Variants in MYT1L observed in about 807,000 individuals in gnomAD.
The protein encoded by MYT1L is myelin transcription factor 1 like, also known as myelin transcription factor 1-like protein.
Under a neutral mutation model 126.7 loss-of-function variants are expected in MYT1L, and 12 were observed. That is an observed-to-expected ratio of 0.09 (90% CI 0.06 to 0.15). The LOEUF (loss-of-function observed/expected upper bound fraction) is 0.15, where lower values mean the gene tolerates loss of function less well. Ranked by LOEUF, MYT1L falls within the 10% of genes least tolerant of loss-of-function variation. The probability of loss-of-function intolerance (pLI) is 1.00; values close to 1 mark genes in which losing one functional copy is unlikely to be tolerated. For synonymous variants in MYT1L, 541 were observed against 604.2 expected (o/e 0.90, Z 1.53); for missense variants, 979 against 1,585.2 (o/e 0.62, Z 6.49).
At position 2,128,054 on chromosome 2, in the gene MYT1L, A is replaced by T. The variant is rs188592019; in HGVS notation, c.-304+44818T>A. 2.4e-4 allele frequency among the ~76,000 whole-genome samples: 36 copies of T among 152,366 alleles called. No individual in the cohort carries two copies. The East Asian group carries it at 6.5e-3, about 28-fold the overall frequency. On this transcript the variant is annotated intron_variant, in intron 3 of 24. Coordinates refer to ENST00000647738, the MANE Select transcript of MYT1L (RefSeq NM_001303052.2). ...GGAAAGTATCATAACAATGCTAATT[A>T]TGAAAAACAACAACTGTCCTTTCCT...
intron 8 of MYT1L, among the ~76,000 whole-genome samples, chr2:1,953,999 T>C (rs1311660369): frequency 6.6e-6 from 1 of 152,200 alleles, no homozygotes; most frequent in Non-Finnish European, 1.5e-5. Flanking sequence ...CGGGGCTCCC[T>C]GGAGTGTCCA....
At chr2:2,225,313 C>T (rs1572625198) in intron 2 of MYT1L, among the ~76,000 whole-genome samples, 1 of 152,198 alleles carries the variant, frequency 6.6e-6, no homozygotes, top group East Asian at 1.9e-4. Context: ...TGGCCTCCCG[C>T]TGTCCCCTTC....
intron 1 of MYT1L, among the ~76,000 whole-genome samples, chr2:2,298,472 T>A (rs1303825589): frequency 1.3e-5 from 2 of 152,232 alleles, no homozygotes; most frequent in Non-Finnish European, 2.9e-5. Flanking sequence ...ATCTACCAGA[T>A]GCCATGAAGA....
At chr2:2,010,320 T>G (rs926308118) in intron 4 of MYT1L, among the ~76,000 whole-genome samples, 1 of 152,132 alleles carries the variant, frequency 6.6e-6, no homozygotes, top group Non-Finnish European at 1.5e-5. Flanking sequence ...GGAAGCCAAA[T>G]GTTTTCCCCC....
At chr2:2,194,188 T>C (rs2092706855) in intron 2 of MYT1L, among the ~76,000 whole-genome samples, 2 of 152,136 alleles carry the variant, frequency 1.3e-5, no homozygotes, top group South Asian at 4.2e-4. Context: ...CAAGTGATCT[T>C]CCCACCTTAG....
intron 19 of MYT1L, among the ~76,000 whole-genome samples, chr2:1,849,255 G>A (rs975612621): frequency 7.2e-5 from 11 of 152,120 alleles, no homozygotes; most frequent in Non-Finnish European, 1.3e-4. Context: ...GGAAGCTCTG[G>A]CCACGTGAGA....
At chr2:1,868,338 A>G (rs74754899) in intron 18 of MYT1L, among the ~76,000 whole-genome samples, 8,718 of 152,332 alleles carry the variant, frequency 0.057, 314 homozygotes, top group Non-Finnish European at 0.072. Context: ...CTGCACTTGC[A>G]TAATATCAAA....
intron 23 of MYT1L, among the ~76,000 whole-genome samples, chr2:1,794,698 A>G (rs2033055122): frequency 6.6e-6 from 1 of 152,146 alleles, no homozygotes; most frequent in African/African-American, 2.4e-5. Flanking sequence ...TATGTTCAGG[A>G]ATCTCTGTGA....
At chr2:2,161,484 T>C (rs1272289601) in intron 3 of MYT1L, among the ~76,000 whole-genome samples, 1 of 152,262 alleles carries the variant, frequency 6.6e-6, no homozygotes, top group East Asian at 1.9e-4. Context: ...GAGGCCACTC[T>C]GGGAGCCTGA....
intron 18 of MYT1L, among the ~76,000 whole-genome samples, chr2:1,855,932 C>T (rs2043859367): frequency 6.6e-6 from 1 of 151,956 alleles, no homozygotes; most frequent in African/African-American, 2.4e-5. Context: ...GAGAAAATAA[C>T]TTTTGGTTGT....
At chr2:2,235,653 T>C (rs1444479792) in intron 2 of MYT1L, among the ~76,000 whole-genome samples, 3 of 152,164 alleles carry the variant, frequency 2.0e-5, no homozygotes, top group African/African-American at 7.2e-5. Context: ...CATATTCCAT[T>C]TGGCAAGAGT....
chr2:2,002,451 G>C (rs1166379822), intron 4 of MYT1L, among the ~76,000 whole-genome samples: 2 of 152,168 alleles, frequency 1.3e-5, no homozygotes, highest in Non-Finnish European at 2.9e-5. Flanking sequence ...TATGCCACAT[G>C]CTTCAGTTGG....
chr2:2,158,975 G>A lies in MYT1L; in HGVS notation c.-304+13897C>T, dbSNP rs190794085. 2.9e-3 allele frequency among the ~76,000 whole-genome samples: 442 copies of A among 152,246 alleles called. 5 individuals carry two copies. Among genetic ancestry groups the A allele is most frequent in the South Asian group, 0.02 (97 of 4,820 alleles). On this transcript the variant is annotated intron_variant, in intron 3 of 24. Coordinates refer to ENST00000647738, the MANE Select transcript of MYT1L (RefSeq NM_001303052.2). ...TTGTTGTGTACCTTGTCTCAGGATC[G>A]GTGTTACAGCACATATGCAGCACTT... is the stretch of plus-strand genomic sequence containing the variant.
chr2:2,311,201 TC>T (rs1179383075), intron 1 of MYT1L, among the ~76,000 whole-genome samples: 1 of 151,968 alleles, frequency 6.6e-6, no homozygotes, highest in Non-Finnish European at 1.5e-5. Context: ...CACATAAGAG[TC>T]AGAAAAGGAG....
intron 3 of MYT1L, among the ~76,000 whole-genome samples, chr2:2,163,509 A>G (rs1486848218): frequency 1.3e-5 from 2 of 151,746 alleles, no homozygotes; most frequent in Non-Finnish European, 1.5e-5. Context: ...GTGGATCATG[A>G]GGTCAGGAGA....
At chr2:1,941,245 C>A (rs748606628) in intron 9 of MYT1L, among the ~76,000 whole-genome samples, 1 of 152,092 alleles carries the variant, frequency 6.6e-6, no homozygotes, top group Non-Finnish European at 1.5e-5. Context: ...CTGGTGTAAA[C>A]GATACCTATT....
intron 3 of MYT1L, among the ~76,000 whole-genome samples, chr2:2,159,593 G>A (rs578126247): frequency 8.5e-5 from 13 of 152,160 alleles, no homozygotes; most frequent in South Asian, 2.1e-4. Context: ...TGAGATTGCC[G>A]ACTAGGAGGT....
In MYT1L at chr2:1,886,570, T is replaced by C; in HGVS notation, c.2680A>G (p.Ser894Gly). 1 of 1,577,624 alleles carries C rather than the reference T, an allele frequency of 6.3e-7. No individual in the cohort carries two copies. Among genetic ancestry groups the C allele is most frequent in the South Asian group, 1.2e-5 (1 of 85,320 alleles). The change falls in exon 18 of 25, where the codon AGT (serine) becomes GGT (glycine). Residue 894 changes from serine (S) to glycine (G), a missense_variant. By Grantham distance (56) the Ser-to-Gly change is moderately conservative. Transcript: ENST00000647738. ...TCTTGGGAGCTGGTGGCCAGCATAC[T>C]TCGAATGCTTTTGTCCGCCAGGGGG... Reference protein sequence around the residue: ...GCPLADKSIRSMLATSSQELK... With the variant: ...GCPLADKSIRGMLATSSQELK...
intron 18 of MYT1L, among the ~76,000 whole-genome samples, chr2:1,873,489 T>C (rs1040003023): frequency 1.1e-4 from 17 of 152,334 alleles, no homozygotes; most frequent in African/African-American, 4.1e-4. Flanking sequence ...TAGTAAGAGC[T>C]GATTGAACCC....
Sources: gnomAD v4.1 joint callset for allele counts (sites outside exome capture counted in the v4.1 genomes callset) on GRCh38, gnomAD v4.1.1 for gene constraint, MANE v1.5 for transcripts, NCBI Gene and HGNC (gene_info 2026-07-23, HGNC 2026-07-21) for gene names.